Variants in LUZP2 observed in about 807,000 individuals in gnomAD.
LUZP2 encodes the protein leucine zipper protein 2.
A neutral mutation model predicts 51.6 loss-of-function variants in LUZP2; 52 were observed. The observed-to-expected ratio is 1.01, with a 90% CI of 0.81 to 1.27. LUZP2 has a LOEUF of 1.27. Ranked by LOEUF, LUZP2 falls within the 50% of genes most tolerant of loss-of-function variation. LUZP2 has a pLI of 0.00. For synonymous variants in LUZP2, 154 were observed against 137.3 expected (o/e 1.12, Z -0.85); for missense variants, 436 against 395.4 (o/e 1.10, Z -0.87).
chr11:24,976,528 G>T, intron 7 of LUZP2, 63 bp from the exon 8 acceptor site: 1 of 1,053,206 alleles, frequency 9.5e-7, no homozygotes, highest in Non-Finnish European at 1.4e-6. Context: ...ATATATGACA[G>T]ATGCTTAAAG....
intron 3 of LUZP2, 101 bp from the exon 4 acceptor site, chr11:24,738,120 T>C (rs960098558): frequency 1.3e-5 from 10 of 746,862 alleles, no homozygotes; most frequent in Non-Finnish European, 2.0e-5. Flanking sequence ...GTTGTCTATG[T>C]CCTAAATGTA....
intron 1 of LUZP2, among the ~76,000 whole-genome samples, chr11:24,618,725 C>T (rs564924586): frequency 1.3e-5 from 2 of 152,232 alleles, no homozygotes; most frequent in African/African-American, 2.4e-5. Flanking sequence ...CTCCCTTCAC[C>T]TTTCAGAGTT....
At chr11:25,073,326 G>T (rs1435430616) in intron 10 of LUZP2, among the ~76,000 whole-genome samples, 2 of 152,106 alleles carry the variant, frequency 1.3e-5, no homozygotes, top group Non-Finnish European at 2.9e-5. Flanking sequence ...CAGAATACTT[G>T]AAGTTACTAG....
At chr11:24,804,285 G>A (rs1849787510) in intron 5 of LUZP2, among the ~76,000 whole-genome samples, 1 of 148,872 alleles carries the variant, frequency 6.7e-6, no homozygotes, top group Non-Finnish European at 1.5e-5. Context: ...TTCAGATAAA[G>A]CCTATGTTTC....
At chr11:24,649,976 GACACACACACAC>G (rs138976467) in intron 1 of LUZP2, among the ~76,000 whole-genome samples, 1 of 146,902 alleles carries the variant, frequency 6.8e-6, no homozygotes, top group African/African-American at 2.5e-5. Context: ...TACACACAGA[GACACACACACAC>G]ACACACACAC....
At chr11:24,998,867 C>CTAA (rs2133938845) in intron 9 of LUZP2, among the ~76,000 whole-genome samples, 1 of 152,144 alleles carries the variant, frequency 6.6e-6, no homozygotes, top group South Asian at 2.1e-4. Flanking sequence ...GTCATGCATG[C>CTAA]AGTCGATAAC....
At chr11:24,714,236 C>A (rs765407711) in intron 1 of LUZP2, among the ~76,000 whole-genome samples, 19 of 152,010 alleles carry the variant, frequency 1.2e-4, no homozygotes, top group Non-Finnish European at 2.4e-4. Flanking sequence ...GTGCAGCAAA[C>A]CACCATGGCA....
At chr11:25,005,538 C>T (rs1431245312) in intron 9 of LUZP2, among the ~76,000 whole-genome samples, 2 of 152,094 alleles carry the variant, frequency 1.3e-5, no homozygotes, top group African/African-American at 4.8e-5. Flanking sequence ...AAATTGGTCC[C>T]AATGACTTAG....
intron 5 of LUZP2, among the ~76,000 whole-genome samples, chr11:24,858,295 A>G (rs1851631204): frequency 6.6e-6 from 1 of 152,112 alleles, no homozygotes; most frequent in South Asian, 2.1e-4. Flanking sequence ...TGGAAAACAT[A>G]ATTATTTTTC....
At chr11:24,956,936 G>A (rs1408787447) in intron 7 of LUZP2, among the ~76,000 whole-genome samples, 1 of 151,994 alleles carries the variant, frequency 6.6e-6, no homozygotes, top group East Asian at 1.9e-4. Context: ...AAAAAAATTA[G>A]AATACAAACA....
chr11:24,673,641 C>T (rs562709539), intron 1 of LUZP2, among the ~76,000 whole-genome samples: 4 of 152,196 alleles, frequency 2.6e-5, no homozygotes, highest in Admixed American at 2.6e-4. Flanking sequence ...TGACATTGGG[C>T]CAGATAATTA....
At chr11:24,723,653 C>A (rs979466719) in intron 1 of LUZP2, among the ~76,000 whole-genome samples, 1 of 151,918 alleles carries the variant, frequency 6.6e-6, no homozygotes, top group Non-Finnish European at 1.5e-5. Flanking sequence ...TCATGAGACC[C>A]CCATCTCTAC....
At chr11:24,525,244 T>C (rs4590870) in intron 1 of LUZP2, among the ~76,000 whole-genome samples, 35,551 of 151,578 alleles carry the variant, frequency 0.23, 5,550 homozygotes, top group African/African-American at 0.44. Flanking sequence ...TAGTGCTAAT[T>C]GGTTAAATGC....
At position 24,527,550 on chromosome 11, in the gene LUZP2, ATCTC is replaced by A. The variant is rs144689201; in HGVS notation, c.62+30260_62+30263del. On this transcript the variant is annotated intron_variant, in intron 1 of 11. Transcript: ENST00000336930. ...CTCCTTTTAGTATTGTTAAATAAGA[ATCTC>A]TCTCTCTCTCTCTCACACACACACA... 3.3e-3 allele frequency among the ~76,000 whole-genome samples: 462 copies of A among 140,162 alleles called. 2 individuals are homozygous for A. The highest frequency in any genetic ancestry group is 8.4e-3 in the African/African-American group (322 of 38,494). The allele number at this position is 140,162 out of a possible 152,430, so 92.0% of individuals were successfully genotyped here. A position where few individuals can be genotyped will look rare whatever the true frequency, so the allele number is the denominator to read the frequency against.
chr11:24,968,515 A>G (rs777801839), intron 7 of LUZP2, among the ~76,000 whole-genome samples: 1 of 152,074 alleles, frequency 6.6e-6, no homozygotes, highest in Non-Finnish European at 1.5e-5. Context: ...GAGCTCTACT[A>G]TCCTTCTACG....
intron 1 of LUZP2, among the ~76,000 whole-genome samples, chr11:24,594,724 G>GGCATTCAA (rs1371972702): frequency 6.8e-6 from 1 of 147,186 alleles, no homozygotes; most frequent in Non-Finnish European, 1.5e-5. Flanking sequence ...ATAGAAAATT[G>GGCATTCAA]GCATTCAATA....
intron 1 of LUZP2, among the ~76,000 whole-genome samples, chr11:24,716,913 A>T (rs1277367305): frequency 6.6e-6 from 1 of 152,070 alleles, no homozygotes; most frequent in Non-Finnish European, 1.5e-5. Context: ...TTTTTTTAAT[A>T]TAAAATAATA....
chr11:24,698,602 A>C (rs2133903716), intron 1 of LUZP2, among the ~76,000 whole-genome samples: 1 of 152,334 alleles, frequency 6.6e-6, no homozygotes, highest in South Asian at 2.1e-4. Context: ...CTCAACTTTA[A>C]ATTTTTAGTC....
intron 5 of LUZP2, among the ~76,000 whole-genome samples, chr11:24,889,207 C>T (rs1233946159): frequency 6.6e-6 from 1 of 152,090 alleles, no homozygotes; most frequent in Non-Finnish European, 1.5e-5. Flanking sequence ...CCTTGCTGTT[C>T]TTAACCGTAA....
Sources: allele counts gnomAD v4.1 joint callset (sites outside exome capture counted in the v4.1 genomes callset), GRCh38; gene constraint gnomAD v4.1.1; transcripts MANE v1.5; gene names NCBI Gene and HGNC (gene_info 2026-07-23, HGNC 2026-07-21).